Variants in DOCK4 observed in about 807,000 individuals in gnomAD.
The protein encoded by DOCK4 is dedicator of cytokinesis 4.
A neutral mutation model predicts 268.1 loss-of-function variants in DOCK4; 97 were observed. The observed-to-expected ratio is 0.36, with a 90% CI of 0.31 to 0.43. The LOEUF is 0.43. Among genes scored for constraint, DOCK4 ranks in the 20% least tolerant of loss-of-function variants. The pLI is 1.00. For synonymous variants in DOCK4, 954 were observed against 887.2 expected, an observed-to-expected ratio of 1.08 and a Z score of -1.34; for missense variants, 2,145 against 2,455.7, an observed-to-expected ratio of 0.87 and a Z score of 2.67.
chr7:112,030,015 GA>G (rs1803138780), intron 1 of DOCK4, among the ~76,000 whole-genome samples: 1 of 152,194 alleles, frequency 6.6e-6, no homozygotes, highest in African/African-American at 2.4e-5. Context: ...CTCCATAGGA[GA>G]ACCATTACAT....
intron 1 of DOCK4, among the ~76,000 whole-genome samples, chr7:112,129,771 T>C (rs543510972): frequency 6.6e-6 from 1 of 152,256 alleles, no homozygotes. Flanking sequence ...TAGAAATCTA[T>C]AAACAGCAGA....
chr7:111,933,849 T>C (rs1015057395), intron 12 of DOCK4, among the ~76,000 whole-genome samples: 1 of 152,206 alleles, frequency 6.6e-6, no homozygotes, highest in African/African-American at 2.4e-5. Context: ...CCACTCATTA[T>C]AGTCTGAAGC....
At chr7:111,773,410 A>AG (rs1798245973) in intron 36 of DOCK4, among the ~76,000 whole-genome samples, 1 of 152,234 alleles carries the variant, frequency 6.6e-6, no homozygotes, top group Admixed American at 6.5e-5. Context: ...TAAAGAAAAA[A>AG]GATTAACCCA....
chr7:111,772,520 G>A (rs1349561489), intron 36 of DOCK4, among the ~76,000 whole-genome samples: 1 of 152,174 alleles, frequency 6.6e-6, no homozygotes, highest in African/African-American at 2.4e-5. Flanking sequence ...AAGAGGCCAG[G>A]CACAGTGGTT....
chr7:111,821,053 G>A (rs1444449674), intron 27 of DOCK4: 1 of 152,042 alleles, frequency 6.6e-6, no homozygotes, highest in South Asian at 2.1e-4. Context: ...CTTCAAAATG[G>A]AAAAGCTGCT....
chr7:111,754,204 C>T (rs1055338149), intron 42 of DOCK4, among the ~76,000 whole-genome samples: 6 of 152,206 alleles, frequency 3.9e-5, no homozygotes, highest in African/African-American at 9.6e-5. Context: ...TACCAGGGCA[C>T]AACATGTAAG....
At chr7:111,741,249 G>C (rs1795896814) in intron 46 of DOCK4, 35 bp from the exon 47 acceptor site, 1 of 1,610,852 alleles carries the variant, frequency 6.2e-7, no homozygotes, top group Non-Finnish European at 8.5e-7. Context: ...CATTAACTCA[G>C]TCTCCAAATT....
intron 1 of DOCK4, among the ~76,000 whole-genome samples, chr7:112,018,049 C>T (rs1370491469): frequency 6.9e-6 from 1 of 144,344 alleles, no homozygotes; most frequent in Non-Finnish European, 1.5e-5. Context: ...ATTAGCCGGG[C>T]ATGGTGGCGG....
intron 16 of DOCK4, among the ~76,000 whole-genome samples, chr7:111,886,921 T>C (rs771458311): frequency 3.6e-4 from 55 of 152,278 alleles, no homozygotes; most frequent in Non-Finnish European, 6.6e-4. Context: ...TCTATAAATT[T>C]AAAATATCTT....
At chr7:112,075,078 T>C (rs771853698) in intron 1 of DOCK4, among the ~76,000 whole-genome samples, 4 of 152,208 alleles carry the variant, frequency 2.6e-5, no homozygotes, top group Non-Finnish European at 4.4e-5. Context: ...TTTCTGTCCC[T>C]GATTGGACTC....
At chr7:112,052,465 CT>C (rs1256067355) in intron 1 of DOCK4, among the ~76,000 whole-genome samples, 1 of 152,112 alleles carries the variant, frequency 6.6e-6, no homozygotes, top group Non-Finnish European at 1.5e-5. Flanking sequence ...TCTTCCCCCC[CT>C]CACTTCGGGC....
intron 16 of DOCK4, among the ~76,000 whole-genome samples, chr7:111,880,486 A>T (rs1016964966): frequency 2.0e-5 from 3 of 152,236 alleles, no homozygotes; most frequent in Non-Finnish European, 4.4e-5. Flanking sequence ...AAAGGATGCT[A>T]ATGAGGAAGA....
intron 39 of DOCK4, among the ~76,000 whole-genome samples, chr7:111,761,078 T>C (rs1404359537): frequency 7.1e-6 from 1 of 141,632 alleles, no homozygotes; most frequent in Non-Finnish European, 1.5e-5. Context: ...TTTTTTTTTT[T>C]AAGATGGAGT....
At chr7:112,152,490 C>T (rs1315692061) in intron 1 of DOCK4, among the ~76,000 whole-genome samples, 2 of 152,140 alleles carry the variant, frequency 1.3e-5, no homozygotes, top group African/African-American at 4.8e-5. Context: ...CACAGCAATT[C>T]TTAGCTTGCA....
intron 4 of DOCK4, among the ~76,000 whole-genome samples, chr7:111,995,181 G>A (rs1473875185): frequency 1.3e-5 from 2 of 151,874 alleles, no homozygotes; most frequent in Non-Finnish European, 2.9e-5. Context: ...ACAGGTGCCT[G>A]CAACCACGCC....
At chr7:111,735,330 T>C (rs1172942874) in intron 50 of DOCK4, among the ~76,000 whole-genome samples, 163 bp from the exon 51 acceptor site, 1 of 152,224 alleles carries the variant, frequency 6.6e-6, no homozygotes, top group East Asian at 1.9e-4. Context: ...ATTGGCTGCC[T>C]AACAGTTATA....
At chr7:111,952,154 GA>G (rs1212019867) in intron 8 of DOCK4, among the ~76,000 whole-genome samples, 19 of 150,738 alleles carry the variant, frequency 1.3e-4, no homozygotes, top group Non-Finnish European at 2.5e-4. Flanking sequence ...GAAGCCAAAT[GA>G]AAAAAACAAA....
At chr7:112,070,812 C>T (rs1240042332) in intron 1 of DOCK4, among the ~76,000 whole-genome samples, 1 of 152,204 alleles carries the variant, frequency 6.6e-6, no homozygotes, top group Non-Finnish European at 1.5e-5. Context: ...CACACTGGCC[C>T]TGCCTTTCTC....
chr7:112,147,202 C>T (rs543710399), intron 1 of DOCK4, among the ~76,000 whole-genome samples: 2 of 152,168 alleles, frequency 1.3e-5, no homozygotes, highest in African/African-American at 2.4e-5. Context: ...TAGAAATATA[C>T]ACAGGTGAAC....
Sources: gnomAD v4.1 joint callset for allele counts (sites outside exome capture counted in the v4.1 genomes callset) on GRCh38, gnomAD v4.1.1 for gene constraint, MANE v1.5 for transcripts, NCBI Gene and HGNC (gene_info 2026-07-23, HGNC 2026-07-21) for gene names.